GPR158: variants seen among roughly 807,000 people sequenced by gnomAD.
GPR158 encodes G protein-coupled receptor 158.
GPR158 carries 30 observed loss-of-function variants against 78.2 expected under a neutral mutation model. That is an observed-to-expected ratio of 0.38 (90% confidence interval 0.29 to 0.52). The LOEUF is 0.52. Ranked by LOEUF, GPR158 falls within the 20% of genes least tolerant of loss-of-function variation. The probability of loss-of-function intolerance (pLI) is 0.83; values close to 1 mark genes in which losing one functional copy is unlikely to be tolerated. For synonymous variants in GPR158, 581 were observed against 591.1 expected (o/e 0.98, Z 0.25); for missense variants, 1,463 against 1,523.5 (o/e 0.96, Z 0.66).
At chr10:25,396,757 T>C (rs1282599633) in intron 3 of GPR158, among the ~76,000 whole-genome samples, 2 of 152,140 alleles carry the variant, frequency 1.3e-5, no homozygotes, top group African/African-American at 2.4e-5. Flanking sequence ...AAGTTAATAA[T>C]AAAATATTAC....
chr10:25,447,703 T>G (rs1835155843), intron 4 of GPR158, among the ~76,000 whole-genome samples: 2 of 152,234 alleles, frequency 1.3e-5, no homozygotes, highest in African/African-American at 4.8e-5. Flanking sequence ...TCTTGCAAAT[T>G]GGTGGCACTG....
chr10:25,432,240 G>C (rs989756282), intron 4 of GPR158, among the ~76,000 whole-genome samples: 2 of 151,932 alleles, frequency 1.3e-5, no homozygotes, highest in Non-Finnish European at 2.9e-5. Context: ...CTATTTCCAC[G>C]AGTATTAATA....
chr10:25,458,795 A>C (rs1835322022), intron 4 of GPR158, among the ~76,000 whole-genome samples: 1 of 152,216 alleles, frequency 6.6e-6, no homozygotes, highest in African/African-American at 2.4e-5. Context: ...ATCAGTTTGT[A>C]ATTCTCTAAC....
intron 2 of GPR158, among the ~76,000 whole-genome samples, chr10:25,378,225 C>T (rs949101923): frequency 1.3e-5 from 2 of 152,124 alleles, no homozygotes; most frequent in Non-Finnish European, 2.9e-5. Context: ...CTCTTTCAAT[C>T]ACCAACTTAT....
intron 5 of GPR158, chr10:25,475,951 G>A (rs1835577949): frequency 6.6e-6 from 1 of 152,056 alleles, no homozygotes; most frequent in South Asian, 2.1e-4. Flanking sequence ...CAAGAATTAA[G>A]GTTATTTTTG....
At chr10:25,580,596 A>G (rs1215939906) in intron 7 of GPR158, among the ~76,000 whole-genome samples, 1 of 152,248 alleles carries the variant, frequency 6.6e-6, no homozygotes, top group Non-Finnish European at 1.5e-5. Context: ...GTTACAGAAA[A>G]TAGATTAGAC....
At chr10:25,442,125 CT>C (rs1406955825) in intron 4 of GPR158, among the ~76,000 whole-genome samples, 3 of 152,112 alleles carry the variant, frequency 2.0e-5, no homozygotes, top group Admixed American at 2.0e-4. Flanking sequence ...AAGGAAAGCC[CT>C]TGATTAAACT....
chr10:25,408,572 G>T (rs1372129418), intron 3 of GPR158, among the ~76,000 whole-genome samples: 1 of 152,038 alleles, frequency 6.6e-6, no homozygotes, highest in East Asian at 1.9e-4. Flanking sequence ...CTGAATCCTT[G>T]ACACCTTTAT....
chr10:25,560,990 C>G (rs1386206613), intron 6 of GPR158, among the ~76,000 whole-genome samples: 1 of 151,786 alleles, frequency 6.6e-6, no homozygotes, highest in Non-Finnish European at 1.5e-5. Flanking sequence ...TTTTTTAGAC[C>G]ACAAAAACTA....
intron 4 of GPR158, among the ~76,000 whole-genome samples, chr10:25,425,360 T>C (rs988809414): frequency 6.6e-6 from 1 of 152,114 alleles, no homozygotes; most frequent in Non-Finnish European, 1.5e-5. Flanking sequence ...TTTTTTATTA[T>C]GGCCATTCTT....
intron 2 of GPR158, among the ~76,000 whole-genome samples, chr10:25,231,797 A>C (rs1013306749): frequency 1.3e-5 from 2 of 152,216 alleles, no homozygotes; most frequent in African/African-American, 4.8e-5. Flanking sequence ...GATTCACTAC[A>C]TTTATGATAA....
chr10:25,541,479 C>G (rs552734194), intron 5 of GPR158, among the ~76,000 whole-genome samples: 2 of 151,922 alleles, frequency 1.3e-5, no homozygotes, highest in South Asian at 4.2e-4. Context: ...ATCTCCTACA[C>G]CAAAATCATG....
chr10:25,381,987 C>T (rs1834161608), intron 2 of GPR158, among the ~76,000 whole-genome samples: 1 of 152,152 alleles, frequency 6.6e-6, no homozygotes, highest in South Asian at 2.1e-4. Flanking sequence ...AAATAATGCA[C>T]AACAGGGTTC....
chr10:25,312,008 ATATT>A, intron 2 of GPR158, among the ~76,000 whole-genome samples: 1 of 152,042 alleles, frequency 6.6e-6, no homozygotes, highest in Non-Finnish European at 1.5e-5. Flanking sequence ...GTCTTTTGCA[ATATT>A]TATTTTGGTC....
intron 1 of GPR158, among the ~76,000 whole-genome samples, chr10:25,189,176 A>G (rs750035685): frequency 3.9e-5 from 6 of 152,212 alleles, no homozygotes; most frequent in Non-Finnish European, 5.9e-5. Flanking sequence ...ACACTTTTAC[A>G]CTGTTGGTGG....
chr10:25,538,693 T>C (rs1386997197), intron 5 of GPR158, among the ~76,000 whole-genome samples: 1 of 152,232 alleles, frequency 6.6e-6, no homozygotes, highest in East Asian at 1.9e-4. Flanking sequence ...ATGTTGAGCA[T>C]AACTGCTATC....
At chr10:25,184,765 T>G (rs1327484402) in intron 1 of GPR158, among the ~76,000 whole-genome samples, 1 of 152,246 alleles carries the variant, frequency 6.6e-6, no homozygotes, top group African/African-American at 2.4e-5. Context: ...GGTTTCACAA[T>G]GGAAGTTACT....
At chr10:25,475,604 G>T (rs1379254667) in intron 5 of GPR158, 1 of 152,050 alleles carries the variant, frequency 6.6e-6, no homozygotes, top group Non-Finnish European at 1.5e-5. Context: ...CTAGAATTTT[G>T]CTATAAGGAA....
intron 5 of GPR158, among the ~76,000 whole-genome samples, chr10:25,545,386 A>G (rs1588906412): frequency 6.6e-6 from 1 of 152,018 alleles, no homozygotes; most frequent in Admixed American, 6.6e-5. Flanking sequence ...CTGACTTTCT[A>G]ATGATTGTCA....
Sources: allele counts gnomAD v4.1 joint callset (sites outside exome capture counted in the v4.1 genomes callset), GRCh38; gene constraint gnomAD v4.1.1; transcripts MANE v1.5; gene names NCBI Gene and HGNC (gene_info 2026-07-23, HGNC 2026-07-21).